The following PFKFB2 variants were observed in gnomAD, a reference collection of about 807,000 sequenced individuals.
The protein encoded by PFKFB2 is 6-phosphofructo-2-kinase/fructose-2,6-biphosphatase 2, also known as 6-phosphofructo-2-kinase/fructose-2,6-bisphosphatase 2.
Under a neutral mutation model 68.0 loss-of-function variants are expected in PFKFB2, and 53 were observed. That is an observed-to-expected ratio of 0.78 (90% CI 0.63 to 0.98). The LOEUF is 0.98. Among genes scored for constraint, PFKFB2 ranks in the 50% least tolerant of loss-of-function variants. PFKFB2 has a pLI of 0.00. For synonymous variants in PFKFB2, 222 were observed against 227.6 expected, an observed-to-expected ratio of 0.98 and a Z score of 0.22; for missense variants, 451 against 642.0, an observed-to-expected ratio of 0.70 and a Z score of 3.22.
intron 10 of PFKFB2, among the ~76,000 whole-genome samples, chr1:207,068,676 C>G (rs1683372929): frequency 6.6e-6 from 1 of 152,102 alleles, no homozygotes. Context: ...ATTTGGTCAG[C>G]TATTCAGGAA....
chr1:207,037,653 G>C (rs1682400724), intron 1 of PFKFB2, among the ~76,000 whole-genome samples: 1 of 152,046 alleles, frequency 6.6e-6, no homozygotes, highest in Admixed American at 6.5e-5. Flanking sequence ...CATCTTCCAT[G>C]AATCAGTAAA....
chr1:207,074,633 A>G lies in PFKFB2; in HGVS notation c.*2262A>G, dbSNP rs1165608176. 1.0e-6 allele frequency: 1 copy of G among 985,424 alleles called. No individual in the cohort carries two copies. The highest frequency in any genetic ancestry group is 1.2e-6 in the Non-Finnish European group (1 of 829,916). The allele number at this position is 985,424 out of a possible 1,614,324, so 61.0% of individuals were successfully genotyped here. ...TGTCCAAGATGTTAAGTAACCTGCT[A>G]TTCCTGTTTAGTGGTTACATAACAT... On this transcript the variant is annotated 3_prime_UTR_variant, in exon 15 of 15. Coordinates refer to ENST00000367080, the MANE Select transcript of PFKFB2 (RefSeq NM_006212.2).
intron 1 of PFKFB2, among the ~76,000 whole-genome samples, chr1:207,036,810 T>C (rs1274903379): frequency 6.6e-6 from 1 of 152,232 alleles, no homozygotes; most frequent in Non-Finnish European, 1.5e-5. Context: ...TGCATCATCA[T>C]TTTGACCTTT....
chr1:207,071,559 C>T lies in PFKFB2; in HGVS notation c.1336C>T (p.Arg446Cys). 1.9e-6 allele frequency: 3 copies of T among 1,613,082 alleles called. No individual in the cohort carries two copies. The highest frequency in any genetic ancestry group is 1.1e-5 in the South Asian group (1 of 91,042). Reference protein sequence around the residue: ...KLNVEAVNTHRDKPTNNFPKN... With the variant: ...KLNVEAVNTHCDKPTNNFPKN... ...TAACGTGGAGGCTGTGAACACGCACCGTGACAAGCCAACTGTAAGTATTTT... is the reference window on the plus strand; with the variant it reads ...TAACGTGGAGGCTGTGAACACGCACTGTGACAAGCCAACTGTAAGTATTTT... The change falls in exon 14 of 15, where the codon CGT (arginine) becomes TGT (cysteine). Residue 446 changes from arginine to cysteine, a missense_variant. Physicochemically the swap from Arg to Cys is radical, Grantham distance 180 (BLOSUM62 -3). Transcript: ENST00000367080.
upstream of PFKFB2, chr1:207,049,474 C>T: frequency 6.2e-7 from 1 of 1,614,186 alleles, no homozygotes; most frequent in Non-Finnish European, 8.5e-7. Flanking sequence ...TATTGCCTCA[C>T]TATAGAAGTC....
chr1:207,058,929 G>A (rs1291266972), intron 2 of PFKFB2, among the ~76,000 whole-genome samples: 3 of 152,240 alleles, frequency 2.0e-5, no homozygotes, highest in Admixed American at 2.0e-4. Context: ...ATCAAGAGAT[G>A]GGTTACATTG....
At chr1:207,034,793 A>G (rs1682346459) in intron 1 of PFKFB2, among the ~76,000 whole-genome samples, 1 of 152,242 alleles carries the variant, frequency 6.6e-6, no homozygotes, top group Non-Finnish European at 1.5e-5. Flanking sequence ...AGTCGAAGTT[A>G]CTTACAAGCC....
intron 7 of PFKFB2, among the ~76,000 whole-genome samples, chr1:207,064,137 T>A (rs1029444755): frequency 6.6e-6 from 1 of 152,118 alleles, no homozygotes; most frequent in Non-Finnish European, 1.5e-5. Context: ...ATTATCTGGA[T>A]GTTGAGACCT....
chr1:207,062,136 T>C, intron 3 of PFKFB2, 58 bp downstream of exon 3: 2 of 1,608,558 alleles, frequency 1.2e-6, no homozygotes, highest in Non-Finnish European at 1.7e-6. Flanking sequence ...CTCACAGGTC[T>C]CTGGGAGACT....
chr1:207,052,143 G>A (rs1272737469), upstream of PFKFB2: 2 of 1,594,664 alleles, frequency 1.3e-6, no homozygotes, highest in East Asian at 2.2e-5. Context: ...CGGGCCCGCT[G>A]GGGCAACTAT....
chr1:207,059,922 C>T (rs992955296), intron 2 of PFKFB2, among the ~76,000 whole-genome samples: 3 of 152,182 alleles, frequency 2.0e-5, no homozygotes, highest in Non-Finnish European at 4.4e-5. Flanking sequence ...GAGGGGCAGC[C>T]GCAACTTGCA....
downstream of PFKFB2, chr1:207,078,860 G>A: frequency 2.0e-6 from 2 of 1,010,654 alleles, no homozygotes; most frequent in Non-Finnish European, 3.1e-6. Flanking sequence ...GGTTGAGGGA[G>A]GAGGGAAGGT....
rs1572715952 is a variant in PFKFB2 at position 207,055,029 on chromosome 1, T to C, written c.85+227T>C. The stretch of plus-strand genomic sequence containing the variant: ...GTGTAGTCCAGCAGTTTCTTACTGC[T>C]TTCTTAAACTGAATCTCTGTCTCCT... On this transcript the variant is annotated intron_variant, in intron 2 of 14. Transcript: ENST00000367080. The C allele has an allele frequency of 1.3e-5, 6 of 463,750 alleles. No individual in the cohort carries two copies. In the East Asian group the frequency reaches 2.4e-4, roughly 18 times the overall value. The allele number at this position is 463,750 out of a possible 1,614,324, so 28.7% of individuals were successfully genotyped here.
upstream of PFKFB2, chr1:207,050,836 GC>G: frequency 1.2e-6 from 2 of 1,613,010 alleles, no homozygotes; most frequent in South Asian, 2.2e-5. Context: ...CCCGGGTCCG[GC>G]TGGACAGCCC....
chr1:207,043,850 C>T (rs1260947723), intron 2 of PFKFB2: 4 of 152,674 alleles, frequency 2.6e-5, no homozygotes, highest in South Asian at 2.1e-4. Flanking sequence ...ACTCAAACAA[C>T]GTTTTCACTT....
intron 13 of PFKFB2, 36 bp from the exon 14 acceptor site, chr1:207,071,473 T>G: frequency 1.3e-6 from 2 of 1,572,852 alleles, no homozygotes; most frequent in Non-Finnish European, 1.7e-6. Context: ...CATTGAACCT[T>G]TTTCTTTAAG....
intron 2 of PFKFB2, among the ~76,000 whole-genome samples, chr1:207,061,099 T>TTA (rs1408342177): frequency 2.8e-5 from 2 of 71,432 alleles, no homozygotes; most frequent in South Asian, 3.5e-4. Flanking sequence ...ATATATATCT[T>TTA]TATATATATC....
rs1682450273 is a variant in PFKFB2, at chr1:207,040,186, C to CT, written c.-61-1981dup. On this transcript the variant is annotated intron_variant, in intron 1 of 5. Transcript: ENST00000545806. ...GGAATAATTTTGTCTACATTTTGTA[C>CT]TTAACTTCGGTATTGATTTCAAACC... Among the ~76,000 whole-genome samples, 5 of 152,330 alleles carry CT rather than the reference C, an allele frequency of 3.3e-5. No homozygotes were observed. In the South Asian group the frequency reaches 1.0e-3, roughly 32 times the overall value.
intron 8 of PFKFB2, among the ~76,000 whole-genome samples, chr1:207,067,167 A>G (rs879723758): frequency 1.3e-5 from 2 of 152,178 alleles, no homozygotes; most frequent in Admixed American, 6.5e-5. Context: ...TCTTCTCACC[A>G]AATTTTGGGC....
Sources: gnomAD v4.1 joint callset for allele counts (sites outside exome capture counted in the v4.1 genomes callset) on GRCh38, gnomAD v4.1.1 for gene constraint, MANE v1.5 for transcripts, NCBI Gene and HGNC (gene_info 2026-07-23, HGNC 2026-07-21) for gene names.